Variants in ARHGEF6 observed in about 807,000 individuals in gnomAD.
ARHGEF6 encodes rho guanine nucleotide exchange factor 6.
Under a neutral mutation model 70.3 loss-of-function variants are expected in ARHGEF6, and 9 were observed. The observed-to-expected ratio is 0.13, with a 90% confidence interval of 0.08 to 0.22. The LOEUF is 0.22. Ranked by LOEUF, ARHGEF6 falls within the 10% of genes least tolerant of loss-of-function variation. The pLI is 1.00. For missense variants in ARHGEF6, 470 were observed against 563.0 expected, an observed-to-expected ratio of 0.83 and a Z score of 1.67; for synonymous variants, 201 against 207.8, an observed-to-expected ratio of 0.97 and a Z score of 0.28.
chrX:136,675,447 C>T (rs1332336008), intron 18 of ARHGEF6, among the ~76,000 whole-genome samples: 1 of 110,920 alleles, frequency 9.0e-6, no homozygotes, highest in African/African-American at 3.3e-5. Context: ...CCCAGCCTTC[C>T]TCTCCTTTAA....
chrX:136,742,197 T>A (rs2077050053), intron 5 of ARHGEF6, among the ~76,000 whole-genome samples: 1 of 111,326 alleles, frequency 9.0e-6, no homozygotes, highest in African/African-American at 3.3e-5. Flanking sequence ...CAGGCGCCTG[T>A]AGTCCCAGCT....
At chrX:136,746,284 TG>T (rs2077094685) in intron 3 of ARHGEF6, among the ~76,000 whole-genome samples, 1 of 112,387 alleles carries the variant, frequency 8.9e-6, no homozygotes, top group South Asian at 3.6e-4. Context: ...TGACTAGAAC[TG>T]GATAGTTGTC....
intron 21 of ARHGEF6, 72 bp from the exon 22 acceptor site, chrX:136,668,241 C>T (rs1050247187): frequency 2.0e-5 from 23 of 1,140,913 alleles, no homozygotes; most frequent in Non-Finnish European, 2.6e-5. Context: ...TGCTCATCCT[C>T]GGGGCAGCTT....
chrX:136,769,337 G>A (rs781263908), intron 2 of ARHGEF6, among the ~76,000 whole-genome samples: 6 of 111,321 alleles, frequency 5.4e-5, no homozygotes, highest in South Asian at 3.8e-4. Context: ...ACTTTAACCC[G>A]GGAGGTGGAG....
intron 2 of ARHGEF6, among the ~76,000 whole-genome samples, chrX:136,763,078 G>A (rs970198014): frequency 2.7e-5 from 3 of 112,167 alleles, no homozygotes; most frequent in Non-Finnish European, 5.6e-5. Flanking sequence ...TAGTTTTTCT[G>A]TCTCCTTTGC....
intron 2 of ARHGEF6, among the ~76,000 whole-genome samples, chrX:136,759,194 C>A (rs763589404): frequency 8.9e-6 from 1 of 112,512 alleles, no homozygotes; most frequent in Non-Finnish European, 1.9e-5. Context: ...TGAAAGACTG[C>A]AGTCTCCTGA....
chrX:136,684,567 G>A (rs1043050586), intron 12 of ARHGEF6, among the ~76,000 whole-genome samples: 2 of 106,829 alleles, frequency 1.9e-5, no homozygotes, highest in Non-Finnish European at 3.9e-5. Context: ...CCCACCCCCC[G>A]GGCTTCTCTC....
rs1189041391 is a variant in ARHGEF6 at position 136,686,605 on chromosome X, TATATATATATATATATACAC to T, written c.1246-802_1246-783del. Among the ~76,000 whole-genome samples the T allele has an allele frequency of 3.4e-3, 259 of 76,721 alleles. 2 individuals carry two copies. Among genetic ancestry groups the T allele is most frequent in the African/African-American group, 0.015 (244 of 15,814 alleles). The allele number at this position is 76,721 out of a possible 115,157, so 66.6% of individuals were successfully genotyped here. ...GTGTGTATGTGTGTGTATATATATATATATATATATATATATACACATATATATATATATATACACACATA... is the reference window on the plus strand; with the variant it reads ...GTGTGTATGTGTGTGTATATATATATATATATATATATATATACACACATA... On this transcript the variant is annotated intron_variant, in intron 11 of 21. Transcript: ENST00000250617.
intron 6 of ARHGEF6, among the ~76,000 whole-genome samples, chrX:136,727,315 CTTTCTTTCTT>C (rs1324118682): frequency 1.4e-4 from 8 of 57,262 alleles, no homozygotes; most frequent in Non-Finnish European, 1.1e-4. Flanking sequence ...GTCTTTCTTT[CTTTCTTTCTT>C]TTTCTTTCTT....
chrX:136,727,375 T>C lies in ARHGEF6; in HGVS notation c.732+4727A>G, dbSNP rs867607944. ...TTTCTTTCTTTCTTTCTTTCTTTCT[T>C]TCTTTCTTTCTTTCTTTCTTTCTCT... is the stretch of plus-strand genomic sequence containing the variant. On this transcript the variant is annotated intron_variant, in intron 6 of 21. Transcript: ENST00000250617. Among the ~76,000 whole-genome samples, 24 of 61,315 alleles carry C rather than the reference T, an allele frequency of 3.9e-4. 1 individual carries two copies. Among genetic ancestry groups the C allele is most frequent in the Non-Finnish European group, 5.8e-4 (19 of 32,795 alleles). The allele number at this position is 61,315 out of a possible 115,157, so 53.2% of individuals were successfully genotyped here. A position where few individuals can be genotyped will look rare whatever the true frequency, so the allele number is the denominator to read the frequency against.
chrX:136,722,501 G>T (rs1439082876), intron 6 of ARHGEF6, among the ~76,000 whole-genome samples: 3 of 111,536 alleles, frequency 2.7e-5, no homozygotes, highest in African/African-American at 9.8e-5. Flanking sequence ...AGTTGGCAAA[G>T]AATTTGAATA....
intron 18 of ARHGEF6, among the ~76,000 whole-genome samples, chrX:136,675,351 G>A (rs777215894): frequency 1.9e-5 from 2 of 107,751 alleles, no homozygotes; most frequent in African/African-American, 6.8e-5. Context: ...GGACCGGGGT[G>A]GGGGGGGCGG....
intron 3 of ARHGEF6, among the ~76,000 whole-genome samples, chrX:136,745,777 AAT>A (rs1266098844): frequency 8.9e-6 from 1 of 112,079 alleles, no homozygotes; most frequent in East Asian, 2.8e-4. Flanking sequence ...CACACGTAAC[AAT>A]ATGTGTGGCA....
intron 21 of ARHGEF6, among the ~76,000 whole-genome samples, chrX:136,668,605 G>A (rs1261584918): frequency 9.3e-6 from 1 of 107,652 alleles, no homozygotes; most frequent in African/African-American, 3.4e-5. Flanking sequence ...CTGGAGTGCA[G>A]TGTAATCATG....
At chrX:136,669,327 G>A (rs904093666) in intron 21 of ARHGEF6, among the ~76,000 whole-genome samples, 155 bp downstream of exon 21, 5 of 111,819 alleles carry the variant, frequency 4.5e-5, no homozygotes, top group Non-Finnish European at 7.5e-5. Context: ...AGGCTTACAT[G>A]ATAAAATCAA....
chrX:136,723,237 T>C (rs1363906599), intron 6 of ARHGEF6, among the ~76,000 whole-genome samples: 1 of 112,375 alleles, frequency 8.9e-6, no homozygotes, highest in South Asian at 3.7e-4. Flanking sequence ...GTGGCGATCA[T>C]TGTGCAACTC....
intron 6 of ARHGEF6, among the ~76,000 whole-genome samples, chrX:136,724,078 C>CT (rs777860865): frequency 0.025 from 2,472 of 100,359 alleles, 26 homozygotes; most frequent in Admixed American, 0.045. Flanking sequence ...TTTTTTCTTT[C>CT]TTTTTTTTTT....
At chrX:136,756,540 T>C (rs756340473) in intron 2 of ARHGEF6, among the ~76,000 whole-genome samples, 2 of 111,901 alleles carry the variant, frequency 1.8e-5, no homozygotes, top group African/African-American at 6.5e-5. Flanking sequence ...TTCATGCCTA[T>C]GCTCTAAAAC....
chrX:136,669,449 A>C, intron 21 of ARHGEF6, 33 bp downstream of exon 21: 2 of 1,178,797 alleles, frequency 1.7e-6, no homozygotes, highest in Non-Finnish European at 2.3e-6. Flanking sequence ...GAATGGTTCT[A>C]TTACCCGAGA....
Sources: allele counts gnomAD v4.1 joint callset (sites outside exome capture counted in the v4.1 genomes callset), GRCh38; gene constraint gnomAD v4.1.1; transcripts MANE v1.5; gene names NCBI Gene and HGNC (gene_info 2026-07-23, HGNC 2026-07-21).